Variants in PDE4B observed in about 807,000 individuals in gnomAD.
PDE4B encodes the protein 3',5'-cyclic-AMP phosphodiesterase 4B.
Under a neutral mutation model 82.2 loss-of-function variants are expected in PDE4B, and 20 were observed. The observed-to-expected ratio is 0.24, with a 90% CI of 0.17 to 0.35. The LOEUF (loss-of-function observed/expected upper bound fraction) is 0.35. PDE4B is among the 10% of genes least tolerant of loss of function. The pLI, the probability that PDE4B is intolerant of heterozygous loss-of-function variation, is 1.00. For synonymous variants in PDE4B, 320 were observed against 318.9 expected, an observed-to-expected ratio of 1.00 and a Z score of -0.04; for missense variants, 655 against 907.2, an observed-to-expected ratio of 0.72 and a Z score of 3.57.
At chr1:65,959,209 A>G (rs79668322) in intron 3 of PDE4B, among the ~76,000 whole-genome samples, 8,440 of 152,262 alleles carry the variant, frequency 0.055, 302 homozygotes, top group Middle Eastern at 0.18. Flanking sequence ...TTTGAAAACA[A>G]TACTCTCTGA....
At position 66,372,301 on chromosome 1, in the gene PDE4B, A is replaced by G. The variant is rs1392177475; in HGVS notation, c.1846-12A>G. On this transcript the variant is annotated splice_polypyrimidine_tract_variant and intron_variant, in intron 16 of 16. Coordinates refer to ENST00000341517, the MANE Select transcript of PDE4B (RefSeq NM_002600.4). ...ATCACAATAACAGATGTGTCATCTT[A>G]TTTTTCTCCAGGTTGGTTTCATCGA... 2.5e-6 allele frequency: 4 copies of G among 1,589,356 alleles called. No individual in the cohort carries two copies. Among genetic ancestry groups the G allele is most frequent in the Middle Eastern group, 1.7e-4 (1 of 5,746 alleles).
At chr1:66,201,281 C>A (rs1431704015) in intron 3 of PDE4B, among the ~76,000 whole-genome samples, 1 of 152,132 alleles carries the variant, frequency 6.6e-6, no homozygotes, top group African/African-American at 2.4e-5. Context: ...CATCAATGTT[C>A]ATCAAGGATA....
At chr1:66,321,117 A>G (rs936383895) in intron 7 of PDE4B, among the ~76,000 whole-genome samples, 6 of 152,192 alleles carry the variant, frequency 3.9e-5, no homozygotes, top group African/African-American at 1.4e-4. Context: ...ATAGGGAAAC[A>G]TGTGATTACC....
intron 3 of PDE4B, among the ~76,000 whole-genome samples, chr1:66,201,760 C>T (rs200757563): frequency 0.19 from 27,923 of 150,672 alleles, 2,586 homozygotes; most frequent in Non-Finnish European, 0.2. Context: ...GTCTTGCTAG[C>T]GGTCTATCAA....
chr1:65,884,604 T>A (rs1385878690), intron 1 of PDE4B, among the ~76,000 whole-genome samples: 7 of 152,152 alleles, frequency 4.6e-5, no homozygotes, highest in South Asian at 2.1e-4. Context: ...AAACAAGGAA[T>A]GGGGAAAGGA....
intron 1 of PDE4B, among the ~76,000 whole-genome samples, chr1:65,833,793 T>C (rs553663077): frequency 2.6e-5 from 4 of 152,226 alleles, no homozygotes; most frequent in African/African-American, 9.6e-5. Flanking sequence ...TTTTCAGAAA[T>C]TTTTTGAGTC....
chr1:66,165,334 C>T (rs1003288025), intron 3 of PDE4B, among the ~76,000 whole-genome samples: 2 of 152,054 alleles, frequency 1.3e-5, no homozygotes, highest in South Asian at 2.1e-4. Context: ...AATTGCAGTT[C>T]ATTATTTTTT....
At chr1:66,350,197 A>G (rs1661716756) in intron 8 of PDE4B, among the ~76,000 whole-genome samples, 2 of 152,068 alleles carry the variant, frequency 1.3e-5, no homozygotes, top group Admixed American at 1.3e-4. Flanking sequence ...AGTATAAAAC[A>G]TGAGTCAAAA....
chr1:66,244,696 T>C (rs935203493), intron 3 of PDE4B, among the ~76,000 whole-genome samples: 12 of 152,198 alleles, frequency 7.9e-5, no homozygotes, highest in Admixed American at 3.3e-4. Flanking sequence ...CCAGGGAATA[T>C]GAAAGGCCAT....
At chr1:65,991,139 G>A (rs113123360) in intron 3 of PDE4B, among the ~76,000 whole-genome samples, 9,477 of 151,692 alleles carry the variant, frequency 0.062, 350 homozygotes, top group Middle Eastern at 0.2. Context: ...GTGCAGTGGC[G>A]TGATCTTGGC....
chr1:66,087,155 G>T (rs1364549911), intron 3 of PDE4B, among the ~76,000 whole-genome samples: 1 of 152,080 alleles, frequency 6.6e-6, no homozygotes, highest in African/African-American at 2.4e-5. Flanking sequence ...ATACAGTTGG[G>T]CTTGGTCTTT....
intron 1 of PDE4B, among the ~76,000 whole-genome samples, chr1:65,795,318 G>C (rs1204146237): frequency 1.3e-5 from 2 of 152,198 alleles, no homozygotes; most frequent in African/African-American, 4.8e-5. Flanking sequence ...AGATTTGGTG[G>C]TTAGTAATTT....
In PDE4B at chr1:65,936,965, AATT is replaced by A. The variant is rs1262828026; in HGVS notation, c.281+18136_281+18138del. ...TGCTCACAGCTTAATGATACCATAG[AATT>A]ATTATCAGCCTCATTTTCACTTGTG... On this transcript the variant is annotated intron_variant, in intron 3 of 16. Coordinates refer to ENST00000341517, the MANE Select transcript of PDE4B (RefSeq NM_002600.4). 2.0e-5 allele frequency among the ~76,000 whole-genome samples: 3 copies of A among 152,182 alleles called. No individual in the cohort carries two copies. The East Asian group carries it at 5.8e-4, about 29-fold the overall frequency.
At chr1:66,347,178 G>A (rs540145442) in intron 8 of PDE4B, among the ~76,000 whole-genome samples, 19 of 152,182 alleles carry the variant, frequency 1.2e-4, no homozygotes, top group South Asian at 4.1e-4. Context: ...TAAACCTTCC[G>A]TGAACCTAAC....
chr1:66,150,314 G>T (rs1255129629), intron 3 of PDE4B, among the ~76,000 whole-genome samples: 1 of 152,138 alleles, frequency 6.6e-6, no homozygotes, highest in Non-Finnish European at 1.5e-5. Context: ...CATTGCACTG[G>T]CTCTGAAGAT....
At chr1:66,200,474 G>C (rs1392222673) in intron 3 of PDE4B, among the ~76,000 whole-genome samples, 1 of 152,036 alleles carries the variant, frequency 6.6e-6, no homozygotes, top group Non-Finnish European at 1.5e-5. Context: ...CTTCCTACGC[G>C]TGAGCATGGA....
chr1:66,047,903 G>T (rs971208748), intron 3 of PDE4B, among the ~76,000 whole-genome samples: 4 of 151,958 alleles, frequency 2.6e-5, no homozygotes, highest in African/African-American at 9.7e-5. Context: ...CTTGTGTCTT[G>T]TTAATACTGG....
intron 6 of PDE4B, among the ~76,000 whole-genome samples, chr1:66,260,972 C>T (rs1332489522): frequency 6.6e-6 from 1 of 152,182 alleles, no homozygotes; most frequent in Non-Finnish European, 1.5e-5. Context: ...AATGATCTTT[C>T]TCAAATTCAT....
intron 3 of PDE4B, among the ~76,000 whole-genome samples, chr1:66,096,518 A>ATATATATATATG (rs1557557864): frequency 9.4e-5 from 13 of 137,624 alleles, no homozygotes; most frequent in African/African-American, 2.2e-4. Context: ...TTATATATAT[A>ATATATATATATG]TATATATATA....
Sources: gnomAD v4.1 joint callset for allele counts (sites outside exome capture counted in the v4.1 genomes callset) on GRCh38, gnomAD v4.1.1 for gene constraint, MANE v1.5 for transcripts, NCBI Gene and HGNC (gene_info 2026-07-23, HGNC 2026-07-21) for gene names.